Variants in KCNT2 observed in about 807,000 individuals in gnomAD.
KCNT2 encodes potassium channel subfamily T member 2.
KCNT2 carries 67 observed loss-of-function variants against 153.8 expected under a neutral mutation model. The observed-to-expected ratio is 0.44, with a 90% CI of 0.36 to 0.53. The LOEUF (loss-of-function observed/expected upper bound fraction) is 0.53, where lower values mean the gene tolerates loss of function less well. Among genes scored for constraint, KCNT2 ranks in the 20% least tolerant of loss-of-function variants. KCNT2 has a pLI of 0.00. For synonymous variants in KCNT2, 500 were observed against 458.8 expected, an observed-to-expected ratio of 1.09 and a Z score of -1.15; for missense variants, 975 against 1,354.8, an observed-to-expected ratio of 0.72 and a Z score of 4.40.
chr1:196,329,991 G>A (rs1468703939), intron 18 of KCNT2, among the ~76,000 whole-genome samples: 1 of 98,326 alleles, frequency 1.0e-5, no homozygotes, highest in East Asian at 2.3e-4. Context: ...ATATTTGAAT[G>A]AGACCAATAT....
At chr1:196,276,895 T>C (rs1658624840) in intron 25 of KCNT2, among the ~76,000 whole-genome samples, 1 of 152,040 alleles carries the variant, frequency 6.6e-6, no homozygotes, top group South Asian at 2.1e-4. Context: ...CTCTGAAAGA[T>C]TTTAGGATCC....
chr1:196,373,048 T>C lies in KCNT2; in HGVS notation c.1403+92A>G, dbSNP rs1668663473. 9 of 671,550 alleles carry C rather than the reference T, an allele frequency of 1.3e-5. No individual in the cohort carries two copies. The East Asian group carries it at 2.5e-4, about 19-fold the overall frequency. The allele number at this position is 671,550 out of a possible 1,614,324, so 41.6% of individuals were successfully genotyped here. A position where few individuals can be genotyped will look rare whatever the true frequency, so the allele number is the denominator to read the frequency against. On this transcript the variant is annotated intron_variant, in intron 14 of 27. Coordinates refer to ENST00000294725, the MANE Select transcript of KCNT2 (RefSeq NM_198503.5). ...AAGTATAGGTACATATCTAGCTGTATACGTAGGCCTTCTATATTTTTAAAT... is the reference window on the plus strand; with the variant it reads ...AAGTATAGGTACATATCTAGCTGTACACGTAGGCCTTCTATATTTTTAAAT...
chr1:196,592,317 G>C (rs1480664302), intron 1 of KCNT2, among the ~76,000 whole-genome samples: 1 of 151,688 alleles, frequency 6.6e-6, no homozygotes, highest in Non-Finnish European at 1.5e-5. Flanking sequence ...TGAAGTCATG[G>C]AGACAGAAAG....
At chr1:196,570,067 TAAAAAAAA>T (rs199836975) in intron 1 of KCNT2, among the ~76,000 whole-genome samples, 15 of 133,744 alleles carry the variant, frequency 1.1e-4, no homozygotes, top group South Asian at 1.1e-3. Flanking sequence ...TGAGCTAGAG[TAAAAAAAA>T]AAAAAAAAAA....
chr1:196,483,024 T>G (rs999332024), intron 3 of KCNT2, among the ~76,000 whole-genome samples: 1 of 152,176 alleles, frequency 6.6e-6, no homozygotes, highest in South Asian at 2.1e-4. Context: ...AACCTAGCTG[T>G]GTCTACATCA....
chr1:196,326,670 C>T, intron 19 of KCNT2, 47 bp downstream of exon 19: 1 of 1,115,072 alleles, frequency 9.0e-7, no homozygotes, highest in African/African-American at 1.6e-5. Context: ...CATTAACATA[C>T]TATTAAAAAC....
chr1:196,344,022 C>T (rs1039005488), intron 14 of KCNT2, among the ~76,000 whole-genome samples: 1 of 152,136 alleles, frequency 6.6e-6, no homozygotes, highest in Non-Finnish European at 1.5e-5. Context: ...TCAGGCGATC[C>T]GCCCGCCTTG....
At chr1:196,277,235 C>A (rs1017612009) in intron 25 of KCNT2, among the ~76,000 whole-genome samples, 1 of 151,964 alleles carries the variant, frequency 6.6e-6, no homozygotes, top group African/African-American at 2.4e-5. Context: ...TTGTCTTCTT[C>A]TTAGAGTAAA....
At chr1:196,502,935 T>G (rs1187977254) in intron 1 of KCNT2, among the ~76,000 whole-genome samples, 1 of 151,932 alleles carries the variant, frequency 6.6e-6, no homozygotes, top group East Asian at 1.9e-4. Flanking sequence ...TGCAAAGAGA[T>G]TCCCCCTCTT....
intron 8 of KCNT2, among the ~76,000 whole-genome samples, chr1:196,438,233 G>T (rs982148229): frequency 6.6e-6 from 1 of 151,600 alleles, no homozygotes; most frequent in Admixed American, 6.6e-5. Context: ...ATACACAAAA[G>T]TCTCATAAAG....
chr1:196,412,066 T>C (rs1672384834), intron 12 of KCNT2, among the ~76,000 whole-genome samples: 1 of 151,786 alleles, frequency 6.6e-6, no homozygotes, highest in Non-Finnish European at 1.5e-5. Context: ...TAATATGCTG[T>C]TGTGCTGATG....
Position 196,500,240 on chromosome 1 carries a change from GAGAA to G in KCNT2, c.96-7903_96-7900del, listed in dbSNP as rs1455400097. Among the ~76,000 whole-genome samples, 24 of 122,924 alleles carry G rather than the reference GAGAA, an allele frequency of 2.0e-4. No homozygotes were observed. In the South Asian group the frequency reaches 6.5e-3, roughly 33 times the overall value. 80.6% of individuals were successfully genotyped at this position (122,924 alleles called of 152,430 possible). On this transcript the variant is annotated intron_variant, in intron 1 of 27. Coordinates refer to ENST00000294725, the MANE Select transcript of KCNT2 (RefSeq NM_198503.5). ...AGAGAGAGACGGAGAGAGAGAGAGA[GAGAA>G]AGAAAGAAAAAGGAAGGAAGGAAGG...
intron 5 of KCNT2, among the ~76,000 whole-genome samples, chr1:196,473,724 A>G (rs578205303): frequency 1.2e-4 from 18 of 152,306 alleles, no homozygotes; most frequent in African/African-American, 4.1e-4. Context: ...ATAGCTAATG[A>G]AACATAAATA....
intron 5 of KCNT2, among the ~76,000 whole-genome samples, chr1:196,476,055 T>C (rs1678504890): frequency 6.6e-6 from 1 of 152,216 alleles, no homozygotes; most frequent in South Asian, 2.1e-4. Flanking sequence ...AAAATTATCT[T>C]GAATCAATAT....
chr1:196,343,626 A>G (rs1665872340), intron 14 of KCNT2, among the ~76,000 whole-genome samples: 1 of 152,134 alleles, frequency 6.6e-6, no homozygotes, highest in South Asian at 2.1e-4. Flanking sequence ...AAGCTTTAAA[A>G]AATATCTATA....
At chr1:196,550,555 T>C (rs1277041513) in intron 1 of KCNT2, among the ~76,000 whole-genome samples, 1 of 151,946 alleles carries the variant, frequency 6.6e-6, no homozygotes, top group Non-Finnish European at 1.5e-5. Context: ...ATGTCTCTTA[T>C]GTTAACATAC....
In KCNT2 at chr1:196,428,049, T is replaced by C. The variant is rs185585935; in HGVS notation, c.984+56A>G. Reference sequence around the variant, plus strand: ...GGCTGCACCATCAGTTAATTGACTTTGACAATATGTTAGTAGGTATGATCC... The same window carrying C: ...GGCTGCACCATCAGTTAATTGACTTCGACAATATGTTAGTAGGTATGATCC... On this transcript the variant is annotated intron_variant, in intron 10 of 27. Coordinates refer to ENST00000294725, the MANE Select transcript of KCNT2 (RefSeq NM_198503.5). 2.1e-4 allele frequency: 285 copies of C among 1,367,532 alleles called. No individual in the cohort carries two copies. In the East Asian group the frequency reaches 6.4e-3, roughly 31 times the overall value. 84.7% of individuals were successfully genotyped at this position (1,367,532 alleles called of 1,614,324 possible). A position where few individuals can be genotyped will look rare whatever the true frequency, so the allele number is the denominator to read the frequency against.
intron 1 of KCNT2, among the ~76,000 whole-genome samples, chr1:196,574,657 C>G (rs1471207881): frequency 6.6e-6 from 1 of 151,690 alleles, no homozygotes; most frequent in African/African-American, 2.4e-5. Context: ...AACTTGTTTA[C>G]AGAGATCAAA....
chr1:196,428,028 G>A, intron 10 of KCNT2, 77 bp downstream of exon 10: 3 of 1,093,100 alleles, frequency 2.7e-6, no homozygotes, highest in South Asian at 2.9e-5. Context: ...AAAGCAGGCT[G>A]CACCATCAGT....
Sources: allele counts gnomAD v4.1 joint callset (sites outside exome capture counted in the v4.1 genomes callset), GRCh38; gene constraint gnomAD v4.1.1; transcripts MANE v1.5; gene names NCBI Gene and HGNC (gene_info 2026-07-23, HGNC 2026-07-21).